CNTNAP5: variants seen among roughly 807,000 people sequenced by gnomAD.
The protein encoded by CNTNAP5 is contactin associated protein family member 5, also known as contactin-associated protein-like 5.
Under a neutral mutation model 150.2 loss-of-function variants are expected in CNTNAP5, and 72 were observed. The ratio of observed to expected loss-of-function variants is 0.48; its 90% CI spans 0.40 to 0.58. The LOEUF (loss-of-function observed/expected upper bound fraction) is 0.58. CNTNAP5 is among the 20% of genes least tolerant of loss of function. The pLI is 0.00. For synonymous variants in CNTNAP5, 672 were observed against 619.8 expected (o/e 1.08, Z -1.25); for missense variants, 1,636 against 1,626.2 (o/e 1.01, Z -0.10).
chr2:124,491,735 A>C (rs1321741532), intron 7 of CNTNAP5, among the ~76,000 whole-genome samples: 1 of 149,820 alleles, frequency 6.7e-6, no homozygotes. Flanking sequence ...CTTTCTCTAC[A>C]TTCTCACCAA....
At chr2:124,303,844 C>T (rs191928242) in intron 3 of CNTNAP5, among the ~76,000 whole-genome samples, 65 of 152,164 alleles carry the variant, frequency 4.3e-4, no homozygotes, top group Non-Finnish European at 7.8e-4. Context: ...CCAGCCTAAG[C>T]AACATAGAAA....
rs2104773185 is a variant in CNTNAP5, at chr2:124,915,535, T to A, written c.*1247T>A. On this transcript the variant is annotated 3_prime_UTR_variant, in exon 24 of 24. Transcript: ENST00000682447. ...CATTAACATAAGTGAAATGGTCACC[T>A]CTAGCTAACTAGCATTGCTTGATTT... Among the ~76,000 whole-genome samples the A allele has an allele frequency of 6.6e-6, 1 of 152,144 alleles. No individual in the cohort carries two copies. The highest frequency in any genetic ancestry group is 2.1e-4 in the South Asian group (1 of 4,828).
chr2:124,369,182 C>A (rs1346987158), intron 3 of CNTNAP5, among the ~76,000 whole-genome samples: 2 of 152,096 alleles, frequency 1.3e-5, no homozygotes, highest in African/African-American at 4.8e-5. Context: ...CTATCTCTAC[C>A]CATCCAATTG....
intron 6 of CNTNAP5, among the ~76,000 whole-genome samples, chr2:124,459,758 TAAAAAAAAAAAAA>T (rs11355936): frequency 8.8e-6 from 1 of 113,426 alleles, no homozygotes; most frequent in Admixed American, 9.4e-5. Flanking sequence ...AATTCCTCTG[TAAAAAAAAAAAAA>T]AAAAAAAAAG....
At chr2:124,242,679 AAC>A (rs1686917492) in intron 3 of CNTNAP5, among the ~76,000 whole-genome samples, 1 of 152,168 alleles carries the variant, frequency 6.6e-6, no homozygotes, top group African/African-American at 2.4e-5. Flanking sequence ...TTAATTAAAA[AAC>A]AGATAAATGT....
chr2:124,405,806 C>G (rs574388479), intron 3 of CNTNAP5, among the ~76,000 whole-genome samples: 1 of 152,324 alleles, frequency 6.6e-6, no homozygotes, highest in South Asian at 2.1e-4. Flanking sequence ...GCTTATTTTG[C>G]TCAACTAGTG....
intron 5 of CNTNAP5, among the ~76,000 whole-genome samples, chr2:124,436,883 A>G (rs1435086101): frequency 6.6e-6 from 1 of 152,216 alleles, no homozygotes; most frequent in South Asian, 2.1e-4. Flanking sequence ...CTATCAGTTT[A>G]CCACAGTTGA....
At chr2:124,122,060 G>T (rs1683575388) in intron 1 of CNTNAP5, among the ~76,000 whole-genome samples, 2 of 152,122 alleles carry the variant, frequency 1.3e-5, no homozygotes, top group Non-Finnish European at 2.9e-5. Flanking sequence ...ATGCTAAATA[G>T]CTGTGGATTT....
chr2:124,094,528 AT>A (rs1473819664), intron 1 of CNTNAP5, among the ~76,000 whole-genome samples: 1 of 152,242 alleles, frequency 6.6e-6, no homozygotes, highest in Non-Finnish European at 1.5e-5. Context: ...TGTCTAATAC[AT>A]TTATAAAATA....
intron 13 of CNTNAP5, among the ~76,000 whole-genome samples, chr2:124,706,213 G>A (rs1161824327): frequency 1.3e-5 from 2 of 152,032 alleles, no homozygotes; most frequent in Non-Finnish European, 2.9e-5. Flanking sequence ...AGTTTTGTAA[G>A]GCTTGGGGTC....
At chr2:124,095,612 C>T (rs1344568445) in intron 1 of CNTNAP5, among the ~76,000 whole-genome samples, 2 of 152,194 alleles carry the variant, frequency 1.3e-5, no homozygotes, top group Non-Finnish European at 2.9e-5. Flanking sequence ...CCTCCTTCCA[C>T]AGGAAAGTTC....
At chr2:124,042,794 C>CTATA (rs1193935061) in intron 1 of CNTNAP5, among the ~76,000 whole-genome samples, 2 of 147,944 alleles carry the variant, frequency 1.4e-5, no homozygotes, top group East Asian at 3.9e-4. Context: ...ATCTATCTAT[C>CTATA]TATCTATCTA....
chr2:124,605,054 G>T (rs1697069992), intron 11 of CNTNAP5, among the ~76,000 whole-genome samples: 1 of 152,120 alleles, frequency 6.6e-6, no homozygotes, highest in Non-Finnish European at 1.5e-5. Context: ...GCAGAGGCCT[G>T]ACAAGTACTT....
intron 3 of CNTNAP5, among the ~76,000 whole-genome samples, chr2:124,279,400 G>A (rs982012371): frequency 6.6e-6 from 1 of 152,032 alleles, no homozygotes; most frequent in African/African-American, 2.4e-5. Flanking sequence ...CCAGAAAACA[G>A]AGGAACCACC....
At chr2:124,498,268 C>G (rs1432609512) in intron 7 of CNTNAP5, among the ~76,000 whole-genome samples, 14 of 152,170 alleles carry the variant, frequency 9.2e-5, no homozygotes, top group Admixed American at 4.6e-4. Context: ...GTCTAAGTGG[C>G]TGCATATAAT....
chr2:124,062,314 C>A (rs1344912619), intron 1 of CNTNAP5, among the ~76,000 whole-genome samples: 1 of 152,182 alleles, frequency 6.6e-6, no homozygotes, highest in Non-Finnish European at 1.5e-5. Flanking sequence ...TACTCCTCTG[C>A]ATCTTTATTG....
intron 20 of CNTNAP5, among the ~76,000 whole-genome samples, chr2:124,866,134 G>A (rs757900156): frequency 7.9e-5 from 12 of 151,596 alleles, no homozygotes; most frequent in East Asian, 3.9e-4. Context: ...GTGGTGGCAC[G>A]CACCTATAAT....
chr2:124,155,745 T>C (rs1174151614), intron 1 of CNTNAP5, among the ~76,000 whole-genome samples: 1 of 152,208 alleles, frequency 6.6e-6, no homozygotes, highest in Non-Finnish European at 1.5e-5. Flanking sequence ...TTGAGGTTTT[T>C]TCACCCATCC....
At chr2:124,532,989 T>C (rs999053127) in intron 10 of CNTNAP5, among the ~76,000 whole-genome samples, 1 of 152,052 alleles carries the variant, frequency 6.6e-6, no homozygotes. Context: ...TTGCAAGTGA[T>C]CCTTAGTAGT....
Sources: allele counts gnomAD v4.1 joint callset (sites outside exome capture counted in the v4.1 genomes callset), GRCh38; gene constraint gnomAD v4.1.1; transcripts MANE v1.5; gene names NCBI Gene and HGNC (gene_info 2026-07-23, HGNC 2026-07-21).